Variants in CAST observed in about 807,000 individuals in gnomAD.
CAST encodes MIR583 host.
Under a neutral mutation model 119.6 loss-of-function variants are expected in CAST, and 76 were observed. The ratio of observed to expected loss-of-function variants is 0.64; its 90% confidence interval spans 0.53 to 0.77. The LOEUF (loss-of-function observed/expected upper bound fraction) is 0.77. Among genes scored for constraint, CAST ranks in the 30% least tolerant of loss-of-function variants. CAST has a pLI of 0.00. For missense variants in CAST, 953 were observed against 946.5 expected, an observed-to-expected ratio of 1.01 and a Z score of -0.09; for synonymous variants, 319 against 331.6, an observed-to-expected ratio of 0.96 and a Z score of 0.41.
intron 1 of CAST, among the ~76,000 whole-genome samples, chr5:96,655,256 C>T (rs899795996): frequency 9.2e-5 from 14 of 152,080 alleles, no homozygotes; most frequent in Non-Finnish European, 1.9e-4. Context: ...GGAGATGTCT[C>T]TCGGAAGAAC....
the CAST span, among the ~76,000 whole-genome samples, chr5:96,447,631 A>G: frequency 6.6e-6 from 1 of 152,232 alleles, no homozygotes; most frequent in East Asian, 1.9e-4. Flanking sequence ...GACTGGGTTT[A>G]CTTGGGAACA....
At chr5:96,743,459 T>TC (rs1480780430) in intron 16 of CAST, 7 of 828,442 alleles carry the variant, frequency 8.4e-6, no homozygotes, top group Admixed American at 5.7e-5. Flanking sequence ...TAGCCTGGGA[T>TC]CCCCAGGAGC....
the CAST span, among the ~76,000 whole-genome samples, chr5:96,174,459 C>T: frequency 7.3e-3 from 1,109 of 152,346 alleles, 19 homozygotes; most frequent in African/African-American, 0.026. Flanking sequence ...GGAGTTCGCC[C>T]TCTTGCTTAT....
chr5:96,137,835 G>T, the CAST span, among the ~76,000 whole-genome samples: 1 of 151,716 alleles, frequency 6.6e-6, no homozygotes, highest in African/African-American at 2.4e-5. Context: ...TTTTTTAGTT[G>T]GTCTGTTTTC....
intron 1 of CAST, among the ~76,000 whole-genome samples, chr5:96,544,296 T>C (rs1216574750): frequency 6.6e-6 from 1 of 152,236 alleles, no homozygotes; most frequent in African/African-American, 2.4e-5. Context: ...TTTATACATA[T>C]TTCATTTTAT....
the CAST span, among the ~76,000 whole-genome samples, chr5:96,245,055 CA>C: frequency 5.9e-5 from 9 of 152,164 alleles, no homozygotes; most frequent in Admixed American, 5.2e-4. Flanking sequence ...AAACAGACTA[CA>C]AAAAATCTTC....
chr5:96,112,277 G>A, the CAST span, among the ~76,000 whole-genome samples: 1 of 152,098 alleles, frequency 6.6e-6, no homozygotes, highest in Non-Finnish European at 1.5e-5. Flanking sequence ...TCCCCTAGCA[G>A]CTATACAAAT....
the CAST span, among the ~76,000 whole-genome samples, chr5:96,330,703 G>C: frequency 6.6e-6 from 1 of 152,180 alleles, no homozygotes; most frequent in South Asian, 2.1e-4. Context: ...ATGAAAATAA[G>C]ATGTTGTGGG....
chr5:96,486,456 T>A, the CAST span, among the ~76,000 whole-genome samples: 1 of 152,290 alleles, frequency 6.6e-6, no homozygotes, highest in East Asian at 1.9e-4. Context: ...CAAATCCATG[T>A]GTCATTGTCT....
chr5:96,048,600 T>A, the CAST span, among the ~76,000 whole-genome samples: 2 of 152,268 alleles, frequency 1.3e-5, no homozygotes, highest in African/African-American at 4.8e-5. Context: ...AGATGTAGTC[T>A]TCAGTCAGAG....
the CAST span, among the ~76,000 whole-genome samples, chr5:96,199,585 G>GA: frequency 1.3e-5 from 2 of 149,574 alleles, no homozygotes; most frequent in Non-Finnish European, 1.5e-5. Context: ...TTTTGTTCCA[G>GA]AAAAAAAAAT....
chr5:96,626,969 A>G (rs1176310100), intron 1 of CAST, among the ~76,000 whole-genome samples: 1 of 152,196 alleles, frequency 6.6e-6, no homozygotes, highest in East Asian at 1.9e-4. Flanking sequence ...TAATATTTTT[A>G]CCATGAATAT....
intron 21 of CAST, 123 bp downstream of exon 21, chr5:96,754,284 C>CT: frequency 1.4e-6 from 1 of 707,452 alleles, no homozygotes; most frequent in East Asian, 2.7e-5. Flanking sequence ...CTGGCTTTTT[C>CT]TATTATTGTG....
At chr5:96,461,519 G>T in the CAST span, among the ~76,000 whole-genome samples, 1 of 151,954 alleles carries the variant, frequency 6.6e-6, no homozygotes, top group South Asian at 2.1e-4. Flanking sequence ...CACTGACACT[G>T]GTCATTGCCC....
At position 96,623,620 on chromosome 5, in the gene CAST, C is replaced by T. The variant is rs577551434; in HGVS notation, c.61-51919C>T. ...GTTTGCCTCATGAAGGTTGAAATTCCTTTCTCCTCTGACATTATTTTAGCA... is the reference window on the plus strand; with the variant it reads ...GTTTGCCTCATGAAGGTTGAAATTCTTTTCTCCTCTGACATTATTTTAGCA... On this transcript the variant is annotated intron_variant, in intron 1 of 11. Coordinates refer to the CAST transcript ENST00000505143. Among the ~76,000 whole-genome samples, 25 of 152,184 alleles carry T rather than the reference C, an allele frequency of 1.6e-4. 1 individual carries two copies. The highest frequency in any genetic ancestry group is 1.5e-5 in the Non-Finnish European group (1 of 68,026).
At chr5:96,402,449 A>G in the CAST span, among the ~76,000 whole-genome samples, 1 of 151,982 alleles carries the variant, frequency 6.6e-6, no homozygotes, top group Non-Finnish European at 1.5e-5. Context: ...TCGTGGAGAG[A>G]GGAGGGGAAA....
the CAST span, among the ~76,000 whole-genome samples, chr5:95,986,713 G>T: frequency 2.6e-4 from 40 of 152,146 alleles, no homozygotes; most frequent in African/African-American, 8.9e-4. Context: ...AGGTTCTGAA[G>T]GGATTTTTAA....
At chr5:96,112,959 C>G in the CAST span, among the ~76,000 whole-genome samples, 1 of 152,132 alleles carries the variant, frequency 6.6e-6, no homozygotes, top group Non-Finnish European at 1.5e-5. Flanking sequence ...CACTTGTGCA[C>G]CATAGTCAAG....
upstream of CAST, among the ~76,000 whole-genome samples, chr5:96,523,553 A>G (rs986598215): frequency 2.0e-5 from 3 of 152,228 alleles, no homozygotes; most frequent in Non-Finnish European, 2.9e-5. Flanking sequence ...CTCCTCAGCC[A>G]CTTGAGAAAT....
Sources: allele counts gnomAD v4.1 joint callset (sites outside exome capture counted in the v4.1 genomes callset), GRCh38; gene constraint gnomAD v4.1.1; transcripts MANE v1.5; gene names NCBI Gene and HGNC (gene_info 2026-07-23, HGNC 2026-07-21).